C10orf143: variants seen among roughly 807,000 people sequenced by gnomAD.
C10orf143 encodes the protein chromosome 10 open reading frame 143.
At chr10:130,101,874 A>AAAC (rs1861561207) in intron 1 of C10orf143, among the ~76,000 whole-genome samples, 7 of 141,280 alleles carry the variant, frequency 5.0e-5, no homozygotes, top group African/African-American at 5.4e-5. Context: ...CCAAAAAAAA[A>AAAC]AAAAAAAAAA....
chr10:130,105,503 G>A (rs984034234), intron 1 of C10orf143, among the ~76,000 whole-genome samples: 3 of 152,148 alleles, frequency 2.0e-5, no homozygotes, highest in African/African-American at 7.2e-5. Context: ...GGCTGAGGCA[G>A]GCGGATCACC....
chr10:130,085,300 C>T (rs115931674), intron 1 of C10orf143, among the ~76,000 whole-genome samples: 11 of 152,282 alleles, frequency 7.2e-5, no homozygotes, highest in Admixed American at 2.0e-4. Context: ...ATAAAACCAT[C>T]GTAATCAAGT....
intron 3 of C10orf143, among the ~76,000 whole-genome samples, chr10:130,055,024 C>T (rs781008913): frequency 1.4e-4 from 22 of 151,910 alleles, no homozygotes; most frequent in South Asian, 4.2e-4. Flanking sequence ...TGAAATTGAA[C>T]GATTATCTTA....
chr10:130,099,246 T>C (rs547039477), intron 1 of C10orf143, among the ~76,000 whole-genome samples: 18 of 152,254 alleles, frequency 1.2e-4, no homozygotes, highest in African/African-American at 4.1e-4. Flanking sequence ...TAACAGATAG[T>C]ATAATATAGC....
chr10:130,097,632 A>G (rs1452811017), intron 1 of C10orf143, among the ~76,000 whole-genome samples: 1 of 152,170 alleles, frequency 6.6e-6, no homozygotes, highest in Non-Finnish European at 1.5e-5. Flanking sequence ...ATCGGTACCT[A>G]TGTGAATTTT....
At chr10:130,072,858 T>G (rs1298193824) in intron 3 of C10orf143, among the ~76,000 whole-genome samples, 1 of 152,234 alleles carries the variant, frequency 6.6e-6, no homozygotes, top group African/African-American at 2.4e-5. Flanking sequence ...TGTTTTAAAA[T>G]GCTGACACAG....
chr10:130,093,598 AC>A (rs1184018713), intron 1 of C10orf143, among the ~76,000 whole-genome samples: 4 of 152,184 alleles, frequency 2.6e-5, no homozygotes, highest in Non-Finnish European at 5.9e-5. Context: ...ATACAAAAAA[AC>A]CCTTCAAAAA....
chr10:130,094,774 T>C (rs1487003955), intron 1 of C10orf143, among the ~76,000 whole-genome samples: 1 of 152,214 alleles, frequency 6.6e-6, no homozygotes, highest in African/African-American at 2.4e-5. Flanking sequence ...AATGTCATAC[T>C]GAATGGGCAA....
chr10:130,073,813 T>C (rs1861071076), intron 3 of C10orf143, among the ~76,000 whole-genome samples: 1 of 152,092 alleles, frequency 6.6e-6, no homozygotes, highest in Non-Finnish European at 1.5e-5. Context: ...TTAAAGGTAG[T>C]TTTTCAATAT....
intron 1 of C10orf143, among the ~76,000 whole-genome samples, chr10:130,080,775 AAT>A (rs1466316015): frequency 1.3e-4 from 20 of 152,334 alleles, no homozygotes; most frequent in African/African-American, 4.8e-4. Context: ...ACTATTATTT[AAT>A]ATATTATTAA....
chr10:130,105,991 C>A, intron 1 of C10orf143: 1 of 423,990 alleles, frequency 2.4e-6, no homozygotes. Flanking sequence ...GCGAGTTCTC[C>A]GCTGCTTGTT....
intron 1 of C10orf143, among the ~76,000 whole-genome samples, chr10:130,090,556 G>C (rs1861365033): frequency 6.6e-6 from 1 of 152,130 alleles, no homozygotes; most frequent in African/African-American, 2.4e-5. Flanking sequence ...GAACACCAGT[G>C]AGACAGAACC....
chr10:130,049,458 G>A (rs1035577924), intron 3 of C10orf143, among the ~76,000 whole-genome samples: 6 of 152,178 alleles, frequency 3.9e-5, no homozygotes, highest in East Asian at 1.9e-4. Context: ...CATGGTGTGC[G>A]GCAGACCGGG....
chr10:130,088,444 T>G (rs1020913943), intron 1 of C10orf143, among the ~76,000 whole-genome samples: 2 of 152,186 alleles, frequency 1.3e-5, no homozygotes, highest in Admixed American at 1.3e-4. Context: ...AGTAATGCAA[T>G]TAATAAGTCC....
intron 1 of C10orf143, among the ~76,000 whole-genome samples, chr10:130,091,763 G>A (rs548629255): frequency 6.6e-6 from 1 of 152,286 alleles, no homozygotes; most frequent in South Asian, 2.1e-4. Flanking sequence ...AGAACTTCAT[G>A]AAGCATACAC....
At chr10:130,080,697 C>T (rs549324100) in intron 1 of C10orf143, among the ~76,000 whole-genome samples, 11 of 152,328 alleles carry the variant, frequency 7.2e-5, no homozygotes, top group Middle Eastern at 3.4e-3. Flanking sequence ...ACTGGCATCT[C>T]CCCAACCTCT....
At chr10:130,059,109 C>G (rs1479499331), downstream of C10orf143, among the ~76,000 whole-genome samples, 2 of 152,190 alleles carry the variant, frequency 1.3e-5, no homozygotes, top group African/African-American at 4.8e-5. Context: ...AGATATATCA[C>G]TCTTTACCCT....
At chr10:130,110,500 C>A (rs572652266) in intron 1 of C10orf143, among the ~76,000 whole-genome samples, 1 of 152,374 alleles carries the variant, frequency 6.6e-6, no homozygotes, top group African/African-American at 2.4e-5. Context: ...AGGCGCGAAA[C>A]CGGGAGAGCG....
rs1860911874 is a variant in C10orf143, at chr10:130,065,231, G to A, written c.298-848C>T. On this transcript the variant is annotated intron_variant, in intron 3 of 3. Transcript: ENST00000637128. The surrounding 1 kb of genome is among the most constrained non-coding windows in gnomAD (Gnocchi z 4.2). The stretch of plus-strand genomic sequence containing the variant: ...AGGAGAGACTCTGAACTTGCCTGGA[G>A]GGATTATCAGACAGCAGAGTACTGA... The A allele has an allele frequency of 6.6e-6, 1 of 152,270 alleles. No homozygotes were observed. The highest frequency in any genetic ancestry group is 2.4e-5 in the African/African-American group (1 of 41,452). 9.4% of individuals were successfully genotyped at this position (152,270 alleles called of 1,614,324 possible).
Sources: gnomAD v4.1 joint callset for allele counts (sites outside exome capture counted in the v4.1 genomes callset) on GRCh38, gnomAD v4.1.1 for gene constraint, Gnocchi (gnomAD v3.1) non-coding constraint, MANE v1.5 for transcripts, NCBI Gene and HGNC (gene_info 2026-07-23, HGNC 2026-07-21) for gene names.